Variants in FSIP1 observed in about 807,000 individuals in gnomAD.
The protein encoded by FSIP1 is fibrous sheath interacting protein 1.
FSIP1 carries 65 observed loss-of-function variants against 60.9 expected under a neutral mutation model. The ratio of observed to expected loss-of-function variants is 1.07; its 90% CI spans 0.87 to 1.31. The LOEUF (loss-of-function observed/expected upper bound fraction) is 1.31. Among genes scored for constraint, FSIP1 ranks in the 40% most tolerant of loss-of-function variants. The pLI, the probability that FSIP1 is intolerant of heterozygous loss-of-function variation, is 0.00. For missense variants in FSIP1, 675 were observed against 665.5 expected (o/e 1.01, Z -0.16); for synonymous variants, 209 against 221.2 (o/e 0.94, Z 0.49).
intron 9 of FSIP1, among the ~76,000 whole-genome samples, chr15:39,723,432 T>C (rs966859817): frequency 1.3e-5 from 2 of 152,228 alleles, no homozygotes; most frequent in Admixed American, 1.3e-4. Context: ...GATTTCACCA[T>C]GTTAGCCAGG....
chr15:39,646,520 CAAAAAAAAAA>C (rs71132108), intron 10 of FSIP1, among the ~76,000 whole-genome samples: 17 of 27,116 alleles, frequency 6.3e-4, no homozygotes, highest in African/African-American at 9.6e-4. Flanking sequence ...CTCATCTCTA[CAAAAAAAAAA>C]AAAAAAAAAA....
chr15:39,767,153 C>T (rs1363595873), intron 3 of FSIP1, among the ~76,000 whole-genome samples: 1 of 152,150 alleles, frequency 6.6e-6, no homozygotes, highest in Non-Finnish European at 1.5e-5. Flanking sequence ...TCAATTCCAT[C>T]ATTTCCTCTT....
chr15:39,726,561 T>C, intron 9 of FSIP1, 28 bp downstream of exon 9: 1 of 1,606,200 alleles, frequency 6.2e-7, no homozygotes, highest in Non-Finnish European at 8.5e-7. Context: ...ACACATTAAC[T>C]TGAACAGTCT....
chr15:39,715,080 T>C (rs1292237454), intron 9 of FSIP1, among the ~76,000 whole-genome samples: 2 of 152,106 alleles, frequency 1.3e-5, no homozygotes, highest in African/African-American at 2.4e-5. Context: ...CTGGCTGGTC[T>C]TGATGCTACC....
intron 5 of FSIP1, among the ~76,000 whole-genome samples, chr15:39,756,645 C>T (rs940025310): frequency 6.6e-6 from 1 of 151,936 alleles, no homozygotes; most frequent in Non-Finnish European, 1.5e-5. Flanking sequence ...CTGAAGCTAA[C>T]TCTTAAATAA....
At chr15:39,662,683 T>C (rs1210434092) in intron 10 of FSIP1, among the ~76,000 whole-genome samples, 1 of 149,464 alleles carries the variant, frequency 6.7e-6, no homozygotes, top group Non-Finnish European at 1.5e-5. Flanking sequence ...TATCCAACAC[T>C]AGACTGTAAG....
At chr15:39,681,345 C>A (rs1457829870) in intron 10 of FSIP1, among the ~76,000 whole-genome samples, 1 of 151,104 alleles carries the variant, frequency 6.6e-6, no homozygotes, top group African/African-American at 2.4e-5. Context: ...CCTTTATTTT[C>A]TACATTATAT....
chr15:39,671,236 AT>A lies in FSIP1; in HGVS notation c.1188+42207del, dbSNP rs200990746. Among the ~76,000 whole-genome samples the A allele has an allele frequency of 1.5e-3, 231 of 152,314 alleles. 4 individuals are homozygous for A. In the East Asian group the frequency reaches 0.035, roughly 23 times the overall value. ...AATTCTTCCTAAAATTTATTTGTCA[AT>A]TTTTTGGTGTTCCAGAGAAGAAAAT... On this transcript the variant is annotated intron_variant, in intron 10 of 11. Coordinates refer to ENST00000350221, the MANE Select transcript of FSIP1 (RefSeq NM_152597.5).
intron 2 of FSIP1, among the ~76,000 whole-genome samples, chr15:39,771,765 C>T (rs1486808891): frequency 6.6e-6 from 1 of 152,086 alleles, no homozygotes; most frequent in Non-Finnish European, 1.5e-5. Context: ...TTATGTAATC[C>T]AGGAGGTGGT....
chr15:39,645,925 C>T (rs1022521023), intron 10 of FSIP1, among the ~76,000 whole-genome samples: 5 of 152,216 alleles, frequency 3.3e-5, no homozygotes, highest in Admixed American at 6.5e-5. Flanking sequence ...ACTTTCAGGC[C>T]GTCCCTGGCC....
At chr15:39,685,466 G>A (rs1894329221) in intron 10 of FSIP1, among the ~76,000 whole-genome samples, 1 of 152,082 alleles carries the variant, frequency 6.6e-6, no homozygotes. Flanking sequence ...AGCCTTTGAT[G>A]GCAAAGGAAA....
intron 9 of FSIP1, among the ~76,000 whole-genome samples, chr15:39,713,817 G>A (rs1393889015): frequency 6.6e-6 from 1 of 152,202 alleles, no homozygotes. Flanking sequence ...GAAGCAGAAG[G>A]AGACAGTGAA....
chr15:39,741,661 A>T (rs1019398638), intron 6 of FSIP1, 144 bp downstream of exon 6: 1 of 506,726 alleles, frequency 2.0e-6, no homozygotes, highest in Non-Finnish European at 3.6e-6. Flanking sequence ...TGCAACAATA[A>T]CCAATCTTGT....
At chr15:39,665,242 A>G (rs901105623) in intron 10 of FSIP1, among the ~76,000 whole-genome samples, 6 of 152,162 alleles carry the variant, frequency 3.9e-5, no homozygotes, top group Non-Finnish European at 8.8e-5. Context: ...ATTCCACACT[A>G]TAAAACAAGG....
intron 5 of FSIP1, among the ~76,000 whole-genome samples, chr15:39,756,300 G>A (rs1244618585): frequency 6.6e-6 from 1 of 152,120 alleles, no homozygotes; most frequent in African/African-American, 2.4e-5. Flanking sequence ...GATGGGTTCT[G>A]TGTTTTGGAA....
intron 2 of FSIP1, among the ~76,000 whole-genome samples, chr15:39,776,126 G>A (rs891409585): frequency 1.4e-5 from 2 of 144,130 alleles, no homozygotes; most frequent in African/African-American, 2.6e-5. Context: ...AAAAAGGAAG[G>A]TGGGAGGGAG....
chr15:39,709,530 C>A (rs1258539165), intron 10 of FSIP1, among the ~76,000 whole-genome samples: 1 of 152,214 alleles, frequency 6.6e-6, no homozygotes, highest in Non-Finnish European at 1.5e-5. Flanking sequence ...AACATCACTT[C>A]TTATCAAAAA....
In FSIP1 at chr15:39,617,721, T is replaced by C; in HGVS notation, c.1699+14A>G. 1 of 1,594,824 alleles carries C rather than the reference T, an allele frequency of 6.3e-7. No individual in the cohort carries two copies. Among genetic ancestry groups the C allele is most frequent in the Non-Finnish European group, 8.5e-7 (1 of 1,171,076 alleles). ...AAGAATTATTTACCAAAACACATGTTCGCCAAGCCTCACCTGCTATTGTAT... is the reference window on the plus strand; with the variant it reads ...AAGAATTATTTACCAAAACACATGTCCGCCAAGCCTCACCTGCTATTGTAT... On this transcript the variant is annotated intron_variant, in intron 11 of 11. Transcript: ENST00000350221.
At chr15:39,698,191 G>A (rs975309206) in intron 10 of FSIP1, among the ~76,000 whole-genome samples, 13 of 146,918 alleles carry the variant, frequency 8.8e-5, no homozygotes, top group Non-Finnish European at 1.5e-4. Context: ...AATATTAATT[G>A]TATATATATA....
Sources: gnomAD v4.1 joint callset for allele counts (sites outside exome capture counted in the v4.1 genomes callset) on GRCh38, gnomAD v4.1.1 for gene constraint, MANE v1.5 for transcripts, NCBI Gene and HGNC (gene_info 2026-07-23, HGNC 2026-07-21) for gene names.